ZNF850: variants seen among roughly 807,000 people sequenced by gnomAD.
The protein encoded by ZNF850 is zinc finger protein 850.
A neutral mutation model predicts 11.9 loss-of-function variants in ZNF850; 2 were observed. The observed-to-expected ratio is 0.17, with a 90% confidence interval of 0.07 to 0.53. The LOEUF (loss-of-function observed/expected upper bound fraction) is 0.53, where lower values mean the gene tolerates loss of function less well. Among genes scored for constraint, ZNF850 ranks in the 20% least tolerant of loss-of-function variants. The pLI is 0.94. For missense variants in ZNF850, 1,014 were observed against 1,316.4 expected, an observed-to-expected ratio of 0.77 and a Z score of 3.55; for synonymous variants, 381 against 443.0, an observed-to-expected ratio of 0.86 and a Z score of 1.76.
rs1219293204 is a variant in ZNF850 at position 36,750,257 on chromosome 19, G to A, written c.783C>T (p.Ala261=). 3 of 1,537,448 alleles carry A rather than the reference G, an allele frequency of 2.0e-6. No individual in the cohort carries two copies. The highest frequency in any genetic ancestry group is 1.2e-5 in the South Asian group (1 of 84,060). ...GAATAAGATGTGCAGACGGTCTAAA[G>A]GCCTTCACGGATTCCTGACACTCAT... ...RPHECQESVK[A]FRPSAHLIQH... The change falls in exon 5 of 5, where the codon GCC becomes GCT. Residue 261 remains alanine (A), a synonymous_variant. Transcript: ENST00000591344.
chr19:36,749,100 C>T lies in ZNF850; in HGVS notation c.1940G>A (p.Cys647Tyr), dbSNP rs2040433774. 1 of 1,602,930 alleles carries T rather than the reference C, an allele frequency of 6.2e-7. No individual in the cohort carries two copies. Among genetic ancestry groups the T allele is most frequent in the African/African-American group, 1.3e-5 (1 of 74,622 alleles). The change falls in exon 5 of 5, where the codon TGT (cysteine) becomes TAT (tyrosine). Residue 647 changes from cysteine to tyrosine, a missense_variant. By Grantham distance (194) the Cys-to-Tyr change is radical. Transcript: ENST00000591344. ...GACAAAGGCTTTCCCACATTCCTGA[C>T]ATTGATAAGGTTTCTCACCAGTATG... Reference protein sequence around the residue: ...QIHTGEKPYQCQECGKAFVSV... With the variant: ...QIHTGEKPYQYQECGKAFVSV...
In ZNF850 at chr19:36,745,678, CAAAA is replaced by C. The variant is rs3055095; in HGVS notation, c.*2085_*2088del. 8.5e-5 allele frequency: 12 copies of C among 141,104 alleles called. No individual in the cohort carries two copies. The highest frequency in any genetic ancestry group is 1.1e-4 in the Non-Finnish European group (7 of 65,394). The allele number at this position is 141,104 out of a possible 1,614,324, so 8.7% of individuals were successfully genotyped here. A position where few individuals can be genotyped will look rare whatever the true frequency, so the allele number is the denominator to read the frequency against. On this transcript the variant is annotated 3_prime_UTR_variant, in exon 5 of 5. Transcript: ENST00000591344. Reference sequence around the variant, plus strand: ...GGGCAACAAGAGCAAAACTCCATCTCAAAAAAAAAAAAAAGAAAAAAGAAAAAGA... The same window carrying C: ...GGGCAACAAGAGCAAAACTCCATCTCAAAAAAAAAAGAAAAAAGAAAAAGA...
At chr19:36,755,024 C>T (rs1030320781) in intron 4 of ZNF850, among the ~76,000 whole-genome samples, 1 of 152,096 alleles carries the variant, frequency 6.6e-6, no homozygotes, top group African/African-American at 2.4e-5. Flanking sequence ...CGTGAATCCC[C>T]ACCCCCACAA....
intron 4 of ZNF850, among the ~76,000 whole-genome samples, chr19:36,753,975 A>G (rs771002219): frequency 9.2e-5 from 14 of 152,066 alleles, no homozygotes; most frequent in Non-Finnish European, 1.3e-4. Flanking sequence ...AACAGAAGAC[A>G]GGAAAAGTGA....
chr19:36,769,392 G>A (rs1266606188), intron 1 of ZNF850, among the ~76,000 whole-genome samples: 1 of 152,006 alleles, frequency 6.6e-6, no homozygotes, highest in Non-Finnish European at 1.5e-5. Flanking sequence ...TTGAACTCAG[G>A]AGTTCAAGAC....
chr19:36,766,892 C>T (rs1242440075), intron 1 of ZNF850, among the ~76,000 whole-genome samples: 1 of 152,066 alleles, frequency 6.6e-6, no homozygotes, highest in East Asian at 1.9e-4. Context: ...CATTTGAGGT[C>T]AGGAGTTCGA....
chr19:36,748,383 T>G lies in ZNF850; in HGVS notation c.2657A>C (p.Gln886Pro). The change falls in exon 5 of 5, where the codon CAA (glutamine) becomes CCA (proline). Residue 886 changes from glutamine (Q) to proline (P), a missense_variant. Coordinates refer to ENST00000591344, the MANE Select transcript of ZNF850 (RefSeq NM_001193552.2). ...KSFAFRSAII[Q>P]HRRIHTGEKP... ...CTCACCAGTGTGAATTCGCCGATGT[T>G]GGATTATTGCTGAGCGAAAAGCAAA... 1.3e-6 allele frequency: 2 copies of G among 1,560,864 alleles called. No homozygotes were observed. The highest frequency in any genetic ancestry group is 1.7e-6 in the Non-Finnish European group (2 of 1,154,864).
chr19:36,749,763 C>A lies in ZNF850; in HGVS notation c.1277G>T (p.Cys426Phe). Reference protein sequence around the residue: ...TGEKPYDCKECGKSFTAGSTL... With the variant: ...TGEKPYDCKEFGKSFTAGSTL... ...TGAGCCAGCAGTAAAAGATTTTCCA[C>A]ATTCTTTACAATCATAGGGTTTCTC... is the stretch of plus-strand genomic sequence containing the variant. Residue 426 changes from cysteine to phenylalanine, a missense_variant, in exon 5 of 5, where the codon TGT (cysteine) becomes TTT (phenylalanine). Cys to Phe is a radical substitution (Grantham distance 205). Coordinates refer to ENST00000591344, the MANE Select transcript of ZNF850 (RefSeq NM_001193552.2). 1 of 1,555,810 alleles carries A rather than the reference C, an allele frequency of 6.4e-7. No individual in the cohort carries two copies. The highest frequency in any genetic ancestry group is 8.7e-7 in the Non-Finnish European group (1 of 1,153,332).
chr19:36,762,729 G>T, intron 1 of ZNF850, 54 bp from the exon 2 acceptor site: 1 of 1,067,950 alleles, frequency 9.4e-7, no homozygotes, highest in Non-Finnish European at 1.4e-6. Context: ...ATGAACTAGA[G>T]TACAAAAGCA....
chr19:36,748,741 TAA>T lies in ZNF850; in HGVS notation c.2297_2298del (p.Phe766TyrfsTer16). 1.3e-6 allele frequency: 2 copies of T among 1,544,492 alleles called. No homozygotes were observed. Among genetic ancestry groups the T allele is most frequent in the Non-Finnish European group, 1.7e-6 (2 of 1,150,146 alleles). ...TGTTGAATTAGTGTTGAGTGAGAAGTAAAAGATTTCCCACATTCCTTACAATC... is the reference window on the plus strand; with the variant it reads ...TGTTGAATTAGTGTTGAGTGAGAAGTAAGATTTCCCACATTCCTTACAATC... ...PYDCKECGKS[F>X]TSHSTLIQHQ... is the part of the protein sequence containing the mutation. On this transcript the variant is annotated frameshift_variant, in exon 5 of 5. Coordinates refer to ENST00000591344, the MANE Select transcript of ZNF850 (RefSeq NM_001193552.2). LOFTEE classifies it low-confidence loss of function (END_TRUNC).
Position 36,768,962 on chromosome 19 carries a change from T to TAA in ZNF850, c.-70+3761_-70+3762dup, listed in dbSNP as rs869086147. On this transcript the variant is annotated intron_variant, in intron 1 of 4. Coordinates refer to ENST00000591344, the MANE Select transcript of ZNF850 (RefSeq NM_001193552.2). ...GGGTAACAGAGTGAGACCCTGTCTT[T>TAA]AAAAAAAAAAAAAAAAGGCCGGGTG... Among the ~76,000 whole-genome samples, 37 of 127,528 alleles carry TAA rather than the reference T, an allele frequency of 2.9e-4. No homozygotes were observed. In the East Asian group the frequency reaches 5.8e-3, roughly 20 times the overall value. 83.7% of individuals were successfully genotyped at this position (127,528 alleles called of 152,430 possible).
chr19:36,754,875 C>T (rs1296525911), intron 4 of ZNF850, among the ~76,000 whole-genome samples: 2 of 152,080 alleles, frequency 1.3e-5, no homozygotes, highest in African/African-American at 2.4e-5. Context: ...GATTTCAATA[C>T]ACCTCTTTTA....
chr19:36,767,723 CTG>C (rs1264930280), intron 1 of ZNF850, among the ~76,000 whole-genome samples: 1 of 150,870 alleles, frequency 6.6e-6, no homozygotes, highest in African/African-American at 2.4e-5. Flanking sequence ...GAGCGAGAAT[CTG>C]TCTCAAAAAG....
At chr19:36,769,978 C>T (rs2040571672) in intron 1 of ZNF850, among the ~76,000 whole-genome samples, 1 of 152,180 alleles carries the variant, frequency 6.6e-6, no homozygotes. Context: ...TTTGGGATTC[C>T]TACGACCCCC....
At chr19:36,758,719 A>G (rs1182799911) in intron 4 of ZNF850, among the ~76,000 whole-genome samples, 2 of 152,148 alleles carry the variant, frequency 1.3e-5, no homozygotes, top group Non-Finnish European at 2.9e-5. Context: ...ACTTGTCTGA[A>G]CTGAGTTGGA....
rs150949847 is a variant in ZNF850, at chr19:36,743,811, A to G, written c.*3956T>C. ...ACACCAGGTACAAGAGAAAAACTCA[A>G]TGTCGTAAAGATGTCAATAATGATT... On this transcript the variant is annotated 3_prime_UTR_variant, in exon 5 of 5. Coordinates refer to ENST00000591344, the MANE Select transcript of ZNF850 (RefSeq NM_001193552.2). 13 of 152,340 alleles carry G rather than the reference A, an allele frequency of 8.5e-5. No homozygotes were observed. Among genetic ancestry groups the G allele is most frequent in the Admixed American group, 4.6e-4 (7 of 15,296 alleles). The allele number at this position is 152,340 out of a possible 1,614,324, so 9.4% of individuals were successfully genotyped here. A position where few individuals can be genotyped will look rare whatever the true frequency, so the allele number is the denominator to read the frequency against.
At chr19:36,771,335 G>C (rs1334872741) in intron 1 of ZNF850, among the ~76,000 whole-genome samples, 1 of 152,156 alleles carries the variant, frequency 6.6e-6, no homozygotes, top group Non-Finnish European at 1.5e-5. Flanking sequence ...CTTGGCCCTG[G>C]GACCTTAGCC....
chr19:36,753,871 T>A (rs901989129), intron 4 of ZNF850, among the ~76,000 whole-genome samples: 1 of 152,130 alleles, frequency 6.6e-6, no homozygotes, highest in Non-Finnish European at 1.5e-5. Context: ...CAAGAGTCCA[T>A]GCTTTCAACT....
Position 36,749,024 on chromosome 19 carries a change from G to T in ZNF850, c.2016C>A (p.Pro672=). 4 of 1,608,610 alleles carry T rather than the reference G, an allele frequency of 2.5e-6. No homozygotes were observed. Among genetic ancestry groups the T allele is most frequent in the Non-Finnish European group, 3.4e-6 (4 of 1,178,352 alleles). ...CCTTCCCACAGTCCGGACATTCATA[G>T]GGTTTCTCACCAGTGTGAATTCTGT... ...QHHRIHTGEK[P]YECPDCGKAF... The change falls in exon 5 of 5, where the codon CCC becomes CCA. Residue 672 remains proline (P), a synonymous_variant. Coordinates refer to ENST00000591344, the MANE Select transcript of ZNF850 (RefSeq NM_001193552.2).
Sources: gnomAD v4.1 joint callset for allele counts (sites outside exome capture counted in the v4.1 genomes callset) on GRCh38, gnomAD v4.1.1 for gene constraint, MANE v1.5 for transcripts, NCBI Gene and HGNC (gene_info 2026-07-23, HGNC 2026-07-21) for gene names.